Variants in LHFPL6 observed in about 807,000 individuals in gnomAD.
LHFPL6 encodes LHFPL tetraspan subfamily member 6, also known as LHFPL tetraspan subfamily member 6 protein.
LHFPL6 carries 9 observed loss-of-function variants against 20.6 expected under a neutral mutation model. The ratio of observed to expected loss-of-function variants is 0.44; its 90% CI spans 0.26 to 0.76. The LOEUF (loss-of-function observed/expected upper bound fraction) is 0.76. Among genes scored for constraint, LHFPL6 ranks in the 30% least tolerant of loss-of-function variants. LHFPL6 has a pLI of 0.20. For missense variants in LHFPL6, 218 were observed against 253.5 expected, an observed-to-expected ratio of 0.86 and a Z score of 0.95; for synonymous variants, 105 against 98.7, an observed-to-expected ratio of 1.06 and a Z score of -0.38.
chr13:39,382,757 A>C (rs1175686858), intron 2 of LHFPL6, among the ~76,000 whole-genome samples: 1 of 152,188 alleles, frequency 6.6e-6, no homozygotes, highest in Non-Finnish European at 1.5e-5. Flanking sequence ...TTTGTGGTAC[A>C]TGTATGAATT....
chr13:39,468,883 GA>G (rs5802990), intron 2 of LHFPL6, among the ~76,000 whole-genome samples: 119,373 of 148,276 alleles, frequency 0.81, 50,343 homozygotes, highest in Non-Finnish European at 0.95. Flanking sequence ...CCAAATGTAA[GA>G]AAAAAAAAAA....
chr13:39,410,039 T>A (rs1871211108), intron 2 of LHFPL6, among the ~76,000 whole-genome samples: 1 of 152,210 alleles, frequency 6.6e-6, no homozygotes, highest in Non-Finnish European at 1.5e-5. Flanking sequence ...TTTCACTTAA[T>A]ATAAAAACTC....
intron 3 of LHFPL6, among the ~76,000 whole-genome samples, chr13:39,374,774 T>C (rs1472050391): frequency 1.3e-5 from 2 of 152,208 alleles, no homozygotes; most frequent in Non-Finnish European, 2.9e-5. Context: ...TTCACATTTA[T>C]ATTATCTTTT....
chr13:39,522,395 T>G (rs574122152), intron 2 of LHFPL6, among the ~76,000 whole-genome samples: 2 of 152,050 alleles, frequency 1.3e-5, no homozygotes, highest in Non-Finnish European at 2.9e-5. Context: ...ACCAGTACAC[T>G]GTTGTTAGCA....
chr13:39,457,926 G>C (rs1345955439), intron 2 of LHFPL6, among the ~76,000 whole-genome samples: 1 of 152,168 alleles, frequency 6.6e-6, no homozygotes, highest in East Asian at 1.9e-4. Flanking sequence ...TTAAGATTTT[G>C]AGAAAAGAGT....
At chr13:39,465,775 G>A (rs990979575) in intron 2 of LHFPL6, among the ~76,000 whole-genome samples, 6 of 152,166 alleles carry the variant, frequency 3.9e-5, no homozygotes. Flanking sequence ...ACATTATAAG[G>A]ATCCTGGCTT....
At chr13:39,555,621 C>T (rs1566140143) in intron 2 of LHFPL6, among the ~76,000 whole-genome samples, 1 of 152,034 alleles carries the variant, frequency 6.6e-6, no homozygotes. Context: ...CAATAATAAA[C>T]ATAAGTGAAG....
chr13:39,509,464 A>G (rs1483712682), intron 2 of LHFPL6, among the ~76,000 whole-genome samples: 1 of 152,158 alleles, frequency 6.6e-6, no homozygotes, highest in Non-Finnish European at 1.5e-5. Flanking sequence ...ACTCTGGATT[A>G]AGGTATGTGC....
chr13:39,381,673 T>A lies in LHFPL6; in HGVS notation c.386-3147A>T, dbSNP rs538857419. On this transcript the variant is annotated intron_variant, in intron 2 of 3. Coordinates refer to ENST00000379589, the MANE Select transcript of LHFPL6 (RefSeq NM_005780.3). The stretch of plus-strand genomic sequence containing the variant: ...GACAGGCAATTACCCAAGATGGCCA[T>A]CAGAATGTTAAAATAAAACTTTAGA... Among the ~76,000 whole-genome samples, 12 of 152,102 alleles carry A rather than the reference T, an allele frequency of 7.9e-5. No homozygotes were observed. The South Asian group carries it at 2.3e-3, about 29-fold the overall frequency.
intron 2 of LHFPL6, among the ~76,000 whole-genome samples, chr13:39,399,089 T>A (rs548883313): frequency 6.6e-6 from 1 of 152,202 alleles, no homozygotes; most frequent in African/African-American, 2.4e-5. Flanking sequence ...CACTGATTAG[T>A]GCAGGAATTC....
At chr13:39,558,344 T>C (rs956651252) in intron 2 of LHFPL6, among the ~76,000 whole-genome samples, 3 of 152,180 alleles carry the variant, frequency 2.0e-5, no homozygotes, top group South Asian at 2.1e-4. Flanking sequence ...ATAACATACA[T>C]GCAATGCCTA....
intron 2 of LHFPL6, among the ~76,000 whole-genome samples, chr13:39,455,772 G>A (rs1346163849): frequency 6.6e-6 from 1 of 152,204 alleles, no homozygotes; most frequent in Admixed American, 6.5e-5. Flanking sequence ...ATTACCATGT[G>A]AGACAGCAGA....
chr13:39,419,769 CAA>C (rs1372309377), intron 2 of LHFPL6, among the ~76,000 whole-genome samples: 9 of 152,206 alleles, frequency 5.9e-5, no homozygotes, highest in East Asian at 1.9e-4. Context: ...CTCCTGCTTG[CAA>C]AGAGTTCATA....
At chr13:39,427,186 G>GA (rs113928844) in intron 2 of LHFPL6, among the ~76,000 whole-genome samples, 4,287 of 152,110 alleles carry the variant, frequency 0.028, 174 homozygotes, top group African/African-American at 0.09. Context: ...AAGCTTCTTT[G>GA]AGGAGTCCCT....
chr13:39,469,356 G>A (rs550651730), intron 2 of LHFPL6, among the ~76,000 whole-genome samples: 4 of 152,228 alleles, frequency 2.6e-5, no homozygotes, highest in South Asian at 2.1e-4. Flanking sequence ...CCACCACCAC[G>A]CACTTTCCCT....
intron 2 of LHFPL6, among the ~76,000 whole-genome samples, chr13:39,412,363 A>G (rs2138388310): frequency 6.6e-6 from 1 of 152,336 alleles, no homozygotes; most frequent in Middle Eastern, 3.4e-3. Flanking sequence ...AGATTTTTAC[A>G]TATGACTTTT....
At position 39,601,261 on chromosome 13, in the gene LHFPL6, G is replaced by A. The variant is rs573299026; in HGVS notation, c.-45C>T. On this transcript the variant is annotated 5_prime_UTR_variant, in exon 2 of 4. Coordinates refer to ENST00000379589, the MANE Select transcript of LHFPL6 (RefSeq NM_005780.3). ...TGAGGACCCCAAGTAAGTGTTCAGG[G>A]ACTGCAGGAGTGAATGAAGGTGTGA... 36 of 1,544,906 alleles carry A rather than the reference G, an allele frequency of 2.3e-5. 1 individual carries two copies. In the South Asian group the frequency reaches 4.1e-4, roughly 18 times the overall value.
chr13:39,435,489 T>A (rs9548766), intron 2 of LHFPL6, among the ~76,000 whole-genome samples: 16,197 of 152,258 alleles, frequency 0.11, 1,041 homozygotes, highest in East Asian at 0.3. Context: ...ATTTTCTATG[T>A]TATAAAGTAA....
intron 2 of LHFPL6, among the ~76,000 whole-genome samples, chr13:39,427,854 A>G (rs1871685125): frequency 6.6e-6 from 1 of 152,226 alleles, no homozygotes; most frequent in Non-Finnish European, 1.5e-5. Flanking sequence ...TCCTTCATGA[A>G]TGGTTAGCAC....
Sources: allele counts gnomAD v4.1 joint callset (sites outside exome capture counted in the v4.1 genomes callset), GRCh38; gene constraint gnomAD v4.1.1; transcripts MANE v1.5; gene names NCBI Gene and HGNC (gene_info 2026-07-23, HGNC 2026-07-21).